The following CSMD1 variants were observed in gnomAD, a reference collection of about 807,000 sequenced individuals.
CSMD1 encodes CUB and sushi domain-containing protein 1.
Under a neutral mutation model 417.5 loss-of-function variants are expected in CSMD1, and 213 were observed. The ratio of observed to expected loss-of-function variants is 0.51; its 90% CI spans 0.46 to 0.57. The LOEUF (loss-of-function observed/expected upper bound fraction) is 0.57. CSMD1 is among the 20% of genes least tolerant of loss of function. The pLI, the probability that CSMD1 is intolerant of heterozygous loss-of-function variation, is 0.00. For missense variants in CSMD1, 6,923 were observed against 4,529.7 expected (o/e 1.53, Z -15.17); for synonymous variants, 2,862 against 1,736.8 (o/e 1.65, Z -16.11).
chr8:4,082,628 TTAC>T (rs1800199739), intron 3 of CSMD1, among the ~76,000 whole-genome samples: 3 of 152,042 alleles, frequency 2.0e-5, no homozygotes, highest in Admixed American at 6.6e-5. Context: ...TTTATTATTA[TTAC>T]ACTTTAACTT....
chr8:3,712,936 G>T (rs1279263093), intron 6 of CSMD1, among the ~76,000 whole-genome samples: 1 of 152,134 alleles, frequency 6.6e-6, no homozygotes, highest in African/African-American at 2.4e-5. Flanking sequence ...ATACATCATT[G>T]TGACTGTAGT....
intron 3 of CSMD1, among the ~76,000 whole-genome samples, chr8:4,356,362 C>A (rs888084086): frequency 6.6e-6 from 1 of 151,772 alleles, no homozygotes; most frequent in African/African-American, 2.4e-5. Flanking sequence ...GTTTCTTTAT[C>A]CACTTGTTGA....
At chr8:3,146,108 C>T (rs1384784231) in intron 40 of CSMD1, among the ~76,000 whole-genome samples, 1 of 152,092 alleles carries the variant, frequency 6.6e-6, no homozygotes, top group Non-Finnish European at 1.5e-5. Flanking sequence ...TATATTGTCC[C>T]TATGTTTCTA....
rs112049811 is a variant in CSMD1 at position 3,731,063 on chromosome 8, C to A, written c.932-22572G>T. ...GTAATAATTATCACAGCTATTTTTC[C>A]TACGTCCTTATACACTTTCTTCCCA... On this transcript the variant is annotated intron_variant, in intron 6 of 69. Transcript: ENST00000635120. Among the ~76,000 whole-genome samples, 1,315 of 152,258 alleles carry A rather than the reference C, an allele frequency of 8.6e-3. 26 individuals are homozygous for A. Among genetic ancestry groups the A allele is most frequent in the African/African-American group, 0.03 (1,266 of 41,542 alleles).
intron 5 of CSMD1, among the ~76,000 whole-genome samples, chr8:3,780,092 C>T (rs528433044): frequency 6.6e-6 from 1 of 152,216 alleles, no homozygotes; most frequent in African/African-American, 2.4e-5. Flanking sequence ...TTTACTGTAC[C>T]AGTCGGTGTT....
intron 2 of CSMD1, among the ~76,000 whole-genome samples, chr8:4,614,675 A>G (rs1317192538): frequency 2.0e-5 from 3 of 152,166 alleles, no homozygotes; most frequent in African/African-American, 7.2e-5. Flanking sequence ...AAACGCACAC[A>G]CACTGGATGC....
intron 22 of CSMD1, among the ~76,000 whole-genome samples, chr8:3,345,743 G>C (rs755559842): frequency 1.8e-4 from 27 of 152,202 alleles, no homozygotes; most frequent in South Asian, 4.1e-4. Context: ...CTCAAGGGAT[G>C]TTGCTGGGTT....
chr8:3,988,408 G>C (rs35337858), intron 5 of CSMD1, among the ~76,000 whole-genome samples: 39,859 of 152,090 alleles, frequency 0.26, 5,405 homozygotes, highest in Middle Eastern at 0.31. Context: ...ATTAGTTATG[G>C]TTTTAGGTCT....
At chr8:4,434,672 T>C (rs555577984) in intron 2 of CSMD1, among the ~76,000 whole-genome samples, 38 of 152,262 alleles carry the variant, frequency 2.5e-4, no homozygotes, top group African/African-American at 8.7e-4. Context: ...GATTTACTTT[T>C]TGACTGGAAA....
At chr8:3,291,322 G>A (rs191264291) in intron 25 of CSMD1, among the ~76,000 whole-genome samples, 6 of 149,786 alleles carry the variant, frequency 4.0e-5, no homozygotes, top group East Asian at 1.9e-4. Context: ...TTTGCTTTCA[G>A]GGTGATGCTG....
chr8:4,448,875 T>A (rs183139410), intron 2 of CSMD1, among the ~76,000 whole-genome samples: 359 of 152,356 alleles, frequency 2.4e-3, no homozygotes, highest in Non-Finnish European at 3.9e-3. Context: ...AATTCTCTTA[T>A]TCACCAAGTA....
chr8:3,866,119 TGTAA>T (rs1026303908), intron 5 of CSMD1, among the ~76,000 whole-genome samples: 4 of 152,224 alleles, frequency 2.6e-5, no homozygotes, highest in South Asian at 2.1e-4. Flanking sequence ...TTATTCCATA[TGTAA>T]GTGTTTATGA....
chr8:3,476,976 T>C (rs1226766156), intron 11 of CSMD1, among the ~76,000 whole-genome samples: 2 of 151,716 alleles, frequency 1.3e-5, no homozygotes, highest in African/African-American at 4.8e-5. Context: ...GGGGAGCCTG[T>C]CAACACAAAG....
chr8:3,178,286 T>A (rs7013111), intron 37 of CSMD1, among the ~76,000 whole-genome samples: 1 of 151,716 alleles, frequency 6.6e-6, no homozygotes, highest in South Asian at 2.1e-4. Context: ...TTGTTTTCAT[T>A]TCTATATGAG....
At chr8:4,173,442 G>C (rs571445443) in intron 3 of CSMD1, among the ~76,000 whole-genome samples, 1 of 152,068 alleles carries the variant, frequency 6.6e-6, no homozygotes, top group Non-Finnish European at 1.5e-5. Flanking sequence ...ACCAGAGGAC[G>C]TTACTGAAGC....
intron 1 of CSMD1, among the ~76,000 whole-genome samples, chr8:4,759,310 A>G (rs1470339794): frequency 6.6e-6 from 1 of 152,222 alleles, no homozygotes; most frequent in Non-Finnish European, 1.5e-5. Context: ...CCAAGAGGGC[A>G]TCTGGTCTGA....
intron 2 of CSMD1, among the ~76,000 whole-genome samples, chr8:4,566,187 T>C (rs1332072111): frequency 6.6e-6 from 1 of 152,172 alleles, no homozygotes; most frequent in African/African-American, 2.4e-5. Flanking sequence ...TTGATCCATC[T>C]ACAATAGACC....
chr8:4,755,098 A>T (rs2117067406), intron 1 of CSMD1, among the ~76,000 whole-genome samples: 1 of 152,344 alleles, frequency 6.6e-6, no homozygotes, highest in Middle Eastern at 3.4e-3. Context: ...ATATGGTGCC[A>T]CTGCACTCCA....
intron 7 of CSMD1, among the ~76,000 whole-genome samples, chr8:3,651,297 A>G (rs988936977): frequency 6.6e-6 from 1 of 152,124 alleles, no homozygotes. Flanking sequence ...TAAAAGCCCA[A>G]ATCCTTACAT....
Sources: allele counts gnomAD v4.1 joint callset (sites outside exome capture counted in the v4.1 genomes callset), GRCh38; gene constraint gnomAD v4.1.1; transcripts MANE v1.5; gene names NCBI Gene and HGNC (gene_info 2026-07-23, HGNC 2026-07-21).